TFAP2D: variants seen among roughly 807,000 people sequenced by gnomAD.
TFAP2D encodes the protein transcription factor AP-2 delta, also known as transcription factor AP-2-delta.
Under a neutral mutation model 43.6 loss-of-function variants are expected in TFAP2D, and 9 were observed. That is an observed-to-expected ratio of 0.21 (90% CI 0.12 to 0.36). The LOEUF (loss-of-function observed/expected upper bound fraction) is 0.36, where lower values mean the gene tolerates loss of function less well. Among genes scored for constraint, TFAP2D ranks in the 10% least tolerant of loss-of-function variants. TFAP2D has a pLI of 1.00. For synonymous variants in TFAP2D, 256 were observed against 224.9 expected, an observed-to-expected ratio of 1.14 and a Z score of -1.24; for missense variants, 513 against 561.4, an observed-to-expected ratio of 0.91 and a Z score of 0.87.
chr6:50,733,844 T>C (rs1257717170), intron 5 of TFAP2D, among the ~76,000 whole-genome samples: 4 of 152,116 alleles, frequency 2.6e-5, no homozygotes, highest in African/African-American at 7.2e-5. Flanking sequence ...TTGCTGCATT[T>C]GCAAAAGCTT....
At chr6:50,761,092 A>G (rs145800824) in intron 7 of TFAP2D, among the ~76,000 whole-genome samples, 40 of 151,842 alleles carry the variant, frequency 2.6e-4, no homozygotes, top group African/African-American at 9.7e-4. Flanking sequence ...CAGAGGGCTA[A>G]AAGCAGAACT....
At chr6:50,731,012 G>A (rs1377424647) in intron 5 of TFAP2D, among the ~76,000 whole-genome samples, 1 of 152,012 alleles carries the variant, frequency 6.6e-6, no homozygotes, top group Non-Finnish European at 1.5e-5. Flanking sequence ...CAAAAACTAT[G>A]TTCACAATTC....
At chr6:50,742,573 CATAG>C (rs144051096) in intron 5 of TFAP2D, among the ~76,000 whole-genome samples, 46,528 of 145,102 alleles carry the variant, frequency 0.32, 7,334 homozygotes, top group East Asian at 0.34. Flanking sequence ...GACAGACACA[CATAG>C]ATAGATAGAT....
intron 7 of TFAP2D, 30 bp from the exon 8 acceptor site, chr6:50,772,615 C>G: frequency 6.3e-7 from 1 of 1,593,684 alleles, no homozygotes; most frequent in Non-Finnish European, 8.6e-7. Context: ...AATCATTCAC[C>G]TCTTTTTTCC....
chr6:50,726,804 G>T (rs534188128), intron 3 of TFAP2D, among the ~76,000 whole-genome samples: 1 of 152,162 alleles, frequency 6.6e-6, no homozygotes, highest in African/African-American at 2.4e-5. Context: ...AAAGTGAAAT[G>T]GTAGTCTTAG....
intron 7 of TFAP2D, among the ~76,000 whole-genome samples, chr6:50,766,295 T>C (rs911593464): frequency 6.6e-5 from 10 of 152,226 alleles, no homozygotes; most frequent in African/African-American, 1.9e-4. Flanking sequence ...ATCAGTAGCA[T>C]GATATTTTCA....
chr6:50,745,036 C>G (rs749343749), intron 5 of TFAP2D, 71 bp from the exon 6 acceptor site: 3 of 1,560,814 alleles, frequency 1.9e-6, no homozygotes, highest in Admixed American at 4.0e-5. Flanking sequence ...GAGGCTTGAG[C>G]AAAATGCAAG....
Position 50,772,965 on chromosome 6 carries a change from A to C in TFAP2D, c.*101A>C, listed in dbSNP as rs1298217813. On this transcript the variant is annotated 3_prime_UTR_variant, in exon 8 of 8. Transcript: ENST00000008391. The stretch of plus-strand genomic sequence containing the variant: ...CTAATCTTCAGTGGACCAAATCTCT[A>C]CCCTTCCCCAACCCTCCATAAAAAA... The C allele has an allele frequency of 3.6e-6, 4 of 1,096,050 alleles. No homozygotes were observed. Among genetic ancestry groups the C allele is most frequent in the African/African-American group, 1.6e-5 (1 of 62,976 alleles). 67.9% of individuals were successfully genotyped at this position (1,096,050 alleles called of 1,614,324 possible).
chr6:50,719,475 A>T (rs1374895894), intron 3 of TFAP2D, among the ~76,000 whole-genome samples: 1 of 136,776 alleles, frequency 7.3e-6, no homozygotes, highest in Non-Finnish European at 1.7e-5. Flanking sequence ...GAAAGAAAGA[A>T]AGAAAGAAAG....
chr6:50,752,790 A>G (rs1286580603), intron 7 of TFAP2D, among the ~76,000 whole-genome samples: 1 of 151,920 alleles, frequency 6.6e-6, no homozygotes, highest in African/African-American at 2.4e-5. Flanking sequence ...TAAAAAGCCC[A>G]GATGCTATGA....
intron 7 of TFAP2D, among the ~76,000 whole-genome samples, chr6:50,766,416 G>T (rs1417201391): frequency 6.6e-6 from 1 of 151,952 alleles, no homozygotes; most frequent in Non-Finnish European, 1.5e-5. Flanking sequence ...TTAAATTTTG[G>T]TAGGGGTTGC....
At position 50,747,798 on chromosome 6, in the gene TFAP2D, G is replaced by T. The variant is rs180885503; in HGVS notation, c.1025+2550G>T. Among the ~76,000 whole-genome samples, 434 of 152,086 alleles carry T rather than the reference G, an allele frequency of 2.9e-3. 1 individual carries two copies. The highest frequency in any genetic ancestry group is 0.01 in the African/African-American group (420 of 41,534). The stretch of plus-strand genomic sequence containing the variant: ...AAATTATACTGAGACATCTATTTTC[G>T]GGTAGCGTATTTGACCAGGTAGTAG... On this transcript the variant is annotated intron_variant, in intron 6 of 7. Coordinates refer to ENST00000008391, the MANE Select transcript of TFAP2D (RefSeq NM_172238.4).
At chr6:50,757,161 G>A (rs977287262) in intron 7 of TFAP2D, among the ~76,000 whole-genome samples, 3 of 150,770 alleles carry the variant, frequency 2.0e-5, no homozygotes, top group Non-Finnish European at 4.4e-5. Context: ...ATTATTTATT[G>A]TTTCTACTAT....
chr6:50,767,923 C>A (rs1267214391), intron 7 of TFAP2D, among the ~76,000 whole-genome samples: 1 of 152,170 alleles, frequency 6.6e-6, no homozygotes, highest in Admixed American at 6.5e-5. Flanking sequence ...TAACACAATG[C>A]AAGTTGTCTC....
intron 3 of TFAP2D, among the ~76,000 whole-genome samples, chr6:50,723,960 T>C (rs1307855407): frequency 6.6e-6 from 1 of 152,180 alleles, no homozygotes; most frequent in East Asian, 1.9e-4. Context: ...CATTCGGCCC[T>C]GGTAATCCAG....
At chr6:50,754,375 C>T (rs548777215) in intron 7 of TFAP2D, among the ~76,000 whole-genome samples, 7 of 151,166 alleles carry the variant, frequency 4.6e-5, no homozygotes, top group African/African-American at 1.5e-4. Flanking sequence ...TGTGTATGTG[C>T]CTATATATGC....
intron 5 of TFAP2D, among the ~76,000 whole-genome samples, chr6:50,732,681 C>T (rs111743710): frequency 6.6e-6 from 1 of 151,992 alleles, no homozygotes; most frequent in Admixed American, 6.6e-5. Flanking sequence ...AGGCTTTCCA[C>T]ACAGAGATGA....
intron 7 of TFAP2D, among the ~76,000 whole-genome samples, chr6:50,757,518 A>T (rs1769293887): frequency 1.5e-5 from 1 of 68,658 alleles, no homozygotes; most frequent in East Asian, 7.2e-4. Context: ...TATATATAGA[A>T]TACATATAAT....
intron 6 of TFAP2D, among the ~76,000 whole-genome samples, chr6:50,745,870 A>G (rs1353990291): frequency 2.0e-5 from 3 of 152,158 alleles, no homozygotes; most frequent in Non-Finnish European, 4.4e-5. Flanking sequence ...TAATGAGGAA[A>G]ACGATGTAGA....
Sources: allele counts gnomAD v4.1 joint callset (sites outside exome capture counted in the v4.1 genomes callset), GRCh38; gene constraint gnomAD v4.1.1; transcripts MANE v1.5; gene names NCBI Gene and HGNC (gene_info 2026-07-23, HGNC 2026-07-21).